The following FGF12 variants were observed in gnomAD, a reference collection of about 807,000 sequenced individuals.
FGF12 encodes fibroblast growth factor 12B.
Under a neutral mutation model 23.6 loss-of-function variants are expected in FGF12, and 14 were observed. That is an observed-to-expected ratio of 0.59 (90% confidence interval 0.39 to 0.93). The LOEUF is 0.93. Ranked by LOEUF, FGF12 falls within the 40% of genes least tolerant of loss-of-function variation. The pLI is 0.00. For missense variants in FGF12, 175 were observed against 217.8 expected (o/e 0.80, Z 1.24); for synonymous variants, 62 against 77.3 (o/e 0.80, Z 1.04).
At chr3:192,574,078 T>C (rs781414) in intron 2 of FGF12, among the ~76,000 whole-genome samples, 90,301 of 152,106 alleles carry the variant, frequency 0.59, 27,181 homozygotes, top group Non-Finnish European at 0.62. Flanking sequence ...CGTTGAGCTA[T>C]AAAGCTAGAT....
intron 2 of FGF12, among the ~76,000 whole-genome samples, chr3:192,579,879 AT>A (rs1206527203): frequency 6.6e-6 from 1 of 152,106 alleles, no homozygotes; most frequent in Non-Finnish European, 1.5e-5. Flanking sequence ...CCCACATGTT[AT>A]TCTTCTAAGA....
chr3:192,455,246 G>A (rs748426296), intron 2 of FGF12, among the ~76,000 whole-genome samples: 6 of 152,190 alleles, frequency 3.9e-5, no homozygotes, highest in Admixed American at 3.9e-4. Context: ...TCGGAGAGGG[G>A]ACAAGAAGAG....
intron 2 of FGF12, among the ~76,000 whole-genome samples, chr3:192,711,395 T>G (rs1380742926): frequency 3.4e-5 from 5 of 148,436 alleles, no homozygotes; most frequent in East Asian, 2.0e-4. Flanking sequence ...CGGCCGCCCC[T>G]TCTGGGAAGT....
intron 2 of FGF12, among the ~76,000 whole-genome samples, chr3:192,637,105 G>T (rs183626679): frequency 4.5e-4 from 69 of 152,222 alleles, no homozygotes; most frequent in African/African-American, 1.6e-3. Flanking sequence ...CTTTTATAGC[G>T]TCTCTCCCTC....
intron 2 of FGF12, among the ~76,000 whole-genome samples, chr3:192,668,991 C>G (rs530709991): frequency 2.0e-5 from 3 of 151,924 alleles, no homozygotes; most frequent in Admixed American, 2.0e-4. Flanking sequence ...AAATGCAAAA[C>G]GTGAAACACA....
rs74539829 is a variant in FGF12, at chr3:192,175,346, CTA to C, written c.229-4692_229-4691del. On this transcript the variant is annotated intron_variant, in intron 4 of 5. Transcript: ENST00000445105. ...TGTATCTCATGAGTGTTTCTTTTTCCTATAGTCTTGAGCCCTCAGTTCAATGT... is the reference window on the plus strand; with the variant it reads ...TGTATCTCATGAGTGTTTCTTTTTCCTAGTCTTGAGCCCTCAGTTCAATGT... 1.3e-3 allele frequency among the ~76,000 whole-genome samples: 202 copies of C among 152,146 alleles called. 10 individuals carry two copies. In the East Asian group the frequency reaches 0.036, roughly 27 times the overall value.
intron 2 of FGF12, among the ~76,000 whole-genome samples, chr3:192,537,137 C>G (rs1725242345): frequency 6.6e-6 from 1 of 152,072 alleles, no homozygotes. Flanking sequence ...GGATCTCATT[C>G]TTTTTTTATG....
chr3:192,656,328 G>A (rs1303728647), intron 2 of FGF12, among the ~76,000 whole-genome samples: 1 of 144,772 alleles, frequency 6.9e-6, no homozygotes, highest in East Asian at 2.0e-4. Context: ...CACAGAGAGA[G>A]AATTATAGTA....
chr3:192,686,944 T>C (rs770274898), intron 2 of FGF12, among the ~76,000 whole-genome samples: 16 of 145,018 alleles, frequency 1.1e-4, no homozygotes, highest in Non-Finnish European at 2.3e-4. Context: ...TTCTCCTGCC[T>C]CAGCCTCCCG....
At chr3:192,382,967 G>T (rs373528287) in intron 2 of FGF12, among the ~76,000 whole-genome samples, 12 of 152,294 alleles carry the variant, frequency 7.9e-5, no homozygotes, top group African/African-American at 2.4e-4. Flanking sequence ...TAACAACACG[G>T]CCAGTCAAGA....
intron 2 of FGF12, among the ~76,000 whole-genome samples, chr3:192,658,469 G>C (rs1716529638): frequency 6.6e-6 from 1 of 152,178 alleles, no homozygotes. Flanking sequence ...TGAGCAAGCT[G>C]CAGCCTCTGC....
At chr3:192,321,859 T>C (rs1371148084) in intron 4 of FGF12, among the ~76,000 whole-genome samples, 4 of 152,070 alleles carry the variant, frequency 2.6e-5, no homozygotes, top group African/African-American at 9.7e-5. Context: ...ACAGCTGGTA[T>C]CATACTGAAC....
At chr3:192,534,655 G>T (rs1032305380) in intron 2 of FGF12, among the ~76,000 whole-genome samples, 3 of 152,150 alleles carry the variant, frequency 2.0e-5, no homozygotes, top group African/African-American at 4.8e-5. Flanking sequence ...GCCTCCCAAA[G>T]TGCTGGGATT....
At chr3:192,427,855 T>C (rs1721740951) in intron 2 of FGF12, among the ~76,000 whole-genome samples, 1 of 152,084 alleles carries the variant, frequency 6.6e-6, no homozygotes, top group South Asian at 2.1e-4. Context: ...AGCAGAGAAG[T>C]AGGTATGGGG....
chr3:192,407,033 C>G (rs929132890), intron 2 of FGF12, among the ~76,000 whole-genome samples: 2 of 152,246 alleles, frequency 1.3e-5, no homozygotes, highest in East Asian at 1.9e-4. Context: ...AACCAACAGT[C>G]TGATGGAAGC....
chr3:192,453,450 T>A (rs1486124486), intron 2 of FGF12, among the ~76,000 whole-genome samples: 5 of 150,786 alleles, frequency 3.3e-5, no homozygotes, highest in Admixed American at 6.6e-5. Flanking sequence ...CCCCCCTTTT[T>A]AAAAAAAAAA....
At chr3:192,486,584 C>G (rs1433524488) in intron 2 of FGF12, among the ~76,000 whole-genome samples, 1 of 151,842 alleles carries the variant, frequency 6.6e-6, no homozygotes. Context: ...TACTGTGGCT[C>G]GAAAATTGTG....
chr3:192,146,272 A>ATTTTTTTTTTTTTTT (rs10676941), intron 5 of FGF12, among the ~76,000 whole-genome samples: 1 of 143,254 alleles, frequency 7.0e-6, no homozygotes, highest in African/African-American at 2.6e-5. Context: ...TAAAGTGTAT[A>ATTTTTTTTTTTTTTT]TTTTTTTTTT....
chr3:192,530,603 C>A (rs148185040), intron 2 of FGF12, among the ~76,000 whole-genome samples: 1 of 152,188 alleles, frequency 6.6e-6, no homozygotes, highest in African/African-American at 2.4e-5. Context: ...AAGGAGAAAT[C>A]TAAGAAAATT....
Sources: gnomAD v4.1 joint callset for allele counts (sites outside exome capture counted in the v4.1 genomes callset) on GRCh38, gnomAD v4.1.1 for gene constraint, MANE v1.5 for transcripts, NCBI Gene and HGNC (gene_info 2026-07-23, HGNC 2026-07-21) for gene names.